MGAT4C: variants seen among roughly 807,000 people sequenced by gnomAD.
The protein encoded by MGAT4C is MGAT4 family member C.
A neutral mutation model predicts 40.1 loss-of-function variants in MGAT4C; 19 were observed. That is an observed-to-expected ratio of 0.47 (90% CI 0.33 to 0.70). MGAT4C has a LOEUF of 0.70. MGAT4C is among the 30% of genes least tolerant of loss of function. The pLI, the probability that MGAT4C is intolerant of heterozygous loss-of-function variation, is 0.02. For missense variants in MGAT4C, 491 were observed against 563.2 expected, an observed-to-expected ratio of 0.87 and a Z score of 1.30; for synonymous variants, 181 against 187.1, an observed-to-expected ratio of 0.97 and a Z score of 0.27.
intron 2 of MGAT4C, among the ~76,000 whole-genome samples, chr12:86,673,380 A>T (rs1213333616): frequency 1.3e-5 from 2 of 152,152 alleles, no homozygotes; most frequent in African/African-American, 4.8e-5. Context: ...CATTGTGAGA[A>T]AGCACCCGTA....
chr12:86,185,196 C>T (rs1001643584), intron 1 of MGAT4C, among the ~76,000 whole-genome samples: 5 of 152,122 alleles, frequency 3.3e-5, no homozygotes, highest in Non-Finnish European at 1.5e-5. Flanking sequence ...TTTTGTGTGA[C>T]TATATTCATT....
chr12:86,793,684 T>C (rs890826756), intron 1 of MGAT4C, among the ~76,000 whole-genome samples: 11 of 152,036 alleles, frequency 7.2e-5, no homozygotes, highest in Non-Finnish European at 1.6e-4. Context: ...TGTTTCTATA[T>C]AGCATATAAG....
chr12:86,404,261 A>C (rs1956422336), intron 3 of MGAT4C, among the ~76,000 whole-genome samples: 1 of 152,214 alleles, frequency 6.6e-6, no homozygotes, highest in African/African-American at 2.4e-5. Flanking sequence ...TAAAAATTAC[A>C]AGACACTAAA....
intron 3 of MGAT4C, among the ~76,000 whole-genome samples, chr12:86,377,180 A>G (rs1592761987): frequency 6.7e-6 from 1 of 149,962 alleles, no homozygotes; most frequent in Non-Finnish European, 1.5e-5. Flanking sequence ...CCTGCCTCAG[A>G]CTCTGAGTAG....
chr12:86,759,344 G>C (rs949010019), intron 1 of MGAT4C, among the ~76,000 whole-genome samples: 2 of 152,052 alleles, frequency 1.3e-5, no homozygotes, highest in Non-Finnish European at 2.9e-5. Flanking sequence ...CTGCAACAAA[G>C]ACAGGAGTGC....
chr12:86,767,634 C>T (rs972550250), intron 1 of MGAT4C, among the ~76,000 whole-genome samples: 12 of 152,156 alleles, frequency 7.9e-5, no homozygotes, highest in African/African-American at 1.4e-4. Flanking sequence ...ACTGGCAAAC[C>T]GAATCCAGCA....
chr12:86,619,145 T>G (rs1461814713), intron 2 of MGAT4C, among the ~76,000 whole-genome samples: 3 of 152,112 alleles, frequency 2.0e-5, no homozygotes, highest in African/African-American at 7.2e-5. Context: ...ATAAGGAACT[T>G]GAACATTTAT....
chr12:86,632,453 A>G (rs546568381), intron 2 of MGAT4C, among the ~76,000 whole-genome samples: 6 of 151,860 alleles, frequency 4.0e-5, no homozygotes, highest in South Asian at 4.1e-4. Context: ...AGAGTCATGC[A>G]CACATATATT....
At chr12:86,639,267 A>T (rs1364791316) in intron 2 of MGAT4C, among the ~76,000 whole-genome samples, 1 of 151,710 alleles carries the variant, frequency 6.6e-6, no homozygotes, top group East Asian at 1.9e-4. Flanking sequence ...CTGTGTATTG[A>T]TTTACATTTT....
At chr12:86,649,427 T>G (rs1257854252) in intron 2 of MGAT4C, among the ~76,000 whole-genome samples, 1 of 151,760 alleles carries the variant, frequency 6.6e-6, no homozygotes, top group African/African-American at 2.4e-5. Flanking sequence ...TCGATCAGCT[T>G]TAGGTATTAG....
At chr12:86,429,739 T>C (rs1956997091) in intron 3 of MGAT4C, among the ~76,000 whole-genome samples, 1 of 152,180 alleles carries the variant, frequency 6.6e-6, no homozygotes, top group South Asian at 2.1e-4. Context: ...GTTTTGTTAT[T>C]ATATGACTTG....
chr12:86,578,708 T>C (rs1960659956), intron 2 of MGAT4C, among the ~76,000 whole-genome samples: 1 of 151,736 alleles, frequency 6.6e-6, no homozygotes, highest in South Asian at 2.1e-4. Flanking sequence ...AGTTGTAATG[T>C]TTCCTTTTTC....
chr12:86,013,701 A>C, intron 2 of MGAT4C: 1 of 984,430 alleles, frequency 1.0e-6, no homozygotes, highest in Non-Finnish European at 1.2e-6. Flanking sequence ...CCTACTGTTT[A>C]CAAACCACCA....
Position 86,834,877 on chromosome 12 carries a change from C to T in MGAT4C, c.-262+3789G>A, listed in dbSNP as rs1478637409. On this transcript the variant is annotated intron_variant, in intron 1 of 7. Coordinates refer to the MGAT4C transcript ENST00000548651. ...AAAACAAACTCAAATGGTTCATCAG[C>T]AAGTACTTGCTTTTGTGTCCACATT... Among the ~76,000 whole-genome samples, 3 of 151,998 alleles carry T rather than the reference C, an allele frequency of 2.0e-5. No homozygotes were observed. In the East Asian group the frequency reaches 5.8e-4, roughly 30 times the overall value.
At chr12:86,563,040 G>A (rs908463504) in intron 2 of MGAT4C, among the ~76,000 whole-genome samples, 71 of 152,178 alleles carry the variant, frequency 4.7e-4, no homozygotes, top group African/African-American at 1.5e-3. Flanking sequence ...TTGGGGTGCT[G>A]GAGAGGATTA....
At chr12:86,587,591 G>A (rs111299216) in intron 2 of MGAT4C, among the ~76,000 whole-genome samples, 5 of 152,048 alleles carry the variant, frequency 3.3e-5, no homozygotes, top group South Asian at 2.1e-4. Flanking sequence ...AGCATGGAAT[G>A]TTCTTCCATT....
chr12:86,215,361 A>G (rs565098510), intron 1 of MGAT4C, among the ~76,000 whole-genome samples: 1 of 152,278 alleles, frequency 6.6e-6, no homozygotes, highest in Non-Finnish European at 1.5e-5. Context: ...TGCAATTTTC[A>G]TGTTGTTTTA....
At chr12:86,438,232 C>T (rs1957170385) in intron 2 of MGAT4C, among the ~76,000 whole-genome samples, 1 of 151,896 alleles carries the variant, frequency 6.6e-6, no homozygotes, top group Admixed American at 6.6e-5. Context: ...GATAAAATAT[C>T]AAACCAGCCA....
chr12:85,984,844 T>C (rs1264280368), intron 3 of MGAT4C, among the ~76,000 whole-genome samples: 2 of 152,166 alleles, frequency 1.3e-5, no homozygotes, highest in Non-Finnish European at 2.9e-5. Context: ...AGTGGCATGA[T>C]CTCTGCTCAC....
Sources: allele counts gnomAD v4.1 joint callset (sites outside exome capture counted in the v4.1 genomes callset), GRCh38; gene constraint gnomAD v4.1.1; transcripts MANE v1.5; gene names NCBI Gene and HGNC (gene_info 2026-07-23, HGNC 2026-07-21).